C11orf16: variants seen among roughly 807,000 people sequenced by gnomAD.
C11orf16 encodes the protein chromosome 11 open reading frame 16.
A neutral mutation model predicts 45.1 loss-of-function variants in C11orf16; 38 were observed. The ratio of observed to expected loss-of-function variants is 0.84; its 90% CI spans 0.65 to 1.10. The LOEUF is 1.10. Among genes scored for constraint, C11orf16 ranks in the 50% least tolerant of loss-of-function variants. The pLI is 0.00. For synonymous variants in C11orf16, 221 were observed against 222.0 expected (o/e 1.00, Z 0.04); for missense variants, 583 against 569.5 (o/e 1.02, Z -0.24).
chr11:8,925,585 A>G lies in C11orf16; in HGVS notation c.1082T>C (p.Val361Ala). 1 of 1,614,228 alleles carries G rather than the reference A, an allele frequency of 6.2e-7. No individual in the cohort carries two copies. Among genetic ancestry groups the G allele is most frequent in the Non-Finnish European group, 8.5e-7 (1 of 1,180,028 alleles). Residue 361 changes from valine (V) to alanine (A), a missense_variant, in exon 5 of 7, where the codon GTG (valine) becomes GCG (alanine). Physicochemically the swap from Val to Ala is moderately conservative, Grantham distance 64. Transcript: ENST00000326053. The part of the protein sequence containing the change: ...LEMGPPQRLM[V>A]NSAVNTDPIF... Reference sequence around the variant, plus strand: ...GGGATCTGTGTTGACTGCACTGTTCACCATCAGTCTCTGGGGAGGGCCCAT... The same window carrying G: ...GGGATCTGTGTTGACTGCACTGTTCGCCATCAGTCTCTGGGGAGGGCCCAT...
Position 8,925,975 on chromosome 11 carries a change from C to T in C11orf16, c.692G>A (p.Arg231Lys), listed in dbSNP as rs148052847. ...CCAGTGAAGGGGCCTGGGGTGCTCC[C>T]TGGTGAAAGACTTGTGCAGCCTCTC... ...AVERLHKSFTREHPRPLHWAP... is the reference protein window; with the variant it reads ...AVERLHKSFTKEHPRPLHWAP... Residue 231 changes from arginine (R) to lysine (K), a missense_variant, in exon 5 of 7, where the codon AGG becomes AAG. Transcript: ENST00000326053. 2.8e-5 allele frequency: 46 copies of T among 1,614,088 alleles called. 1 individual carries two copies. In the African/African-American group the frequency reaches 5.9e-4, roughly 21 times the overall value.
At chr11:8,925,142 A>T (rs2064601010) in intron 5 of C11orf16, among the ~76,000 whole-genome samples, 1 of 152,230 alleles carries the variant, frequency 6.6e-6, no homozygotes, top group South Asian at 2.1e-4. Flanking sequence ...CCAAGAAAAA[A>T]GGAGGAGACT....
chr11:8,925,770 T>G lies in C11orf16; in HGVS notation c.897A>C (p.Ser299=), dbSNP rs771263835. Reference sequence around the variant, plus strand: ...CTGGAAGTTCTCTGGCCATGACTTCTGAGGTCCTGGTTAGAGGCCACCAAG... The same window carrying G: ...CTGGAAGTTCTCTGGCCATGACTTCGGAGGTCCTGGTTAGAGGCCACCAAG... The part of the protein sequence containing the change: ...GTTWWPLTRT[S]EVMARELPEL... Residue 299 remains serine (S), a synonymous_variant, in exon 5 of 7, where the codon TCA becomes TCC. Coordinates refer to ENST00000326053, the MANE Select transcript of C11orf16 (RefSeq NM_020643.3). 4.3e-5 allele frequency: 70 copies of G among 1,614,150 alleles called. No homozygotes were observed. The highest frequency in any genetic ancestry group is 5.8e-5 in the Non-Finnish European group (69 of 1,180,052).
chr11:8,930,006 G>C (rs574112914), intron 2 of C11orf16, among the ~76,000 whole-genome samples: 28 of 152,126 alleles, frequency 1.8e-4, no homozygotes, highest in Non-Finnish European at 3.8e-4. Context: ...TGTGATCCCA[G>C]CTACTTGGGA....
chr11:8,921,052 C>G (rs1309591547), intron 6 of C11orf16, among the ~76,000 whole-genome samples: 1 of 152,090 alleles, frequency 6.6e-6, no homozygotes, highest in Non-Finnish European at 1.5e-5. Flanking sequence ...AAAGCAGACC[C>G]CTACCCAATA....
At chr11:8,924,823 T>C (rs546143884) in intron 5 of C11orf16, among the ~76,000 whole-genome samples, 1 of 152,170 alleles carries the variant, frequency 6.6e-6, no homozygotes, top group South Asian at 2.1e-4. Flanking sequence ...CCAGACTCCG[T>C]TGGGAATTTA....
In C11orf16 at chr11:8,927,050, C is replaced by G. The variant is rs369882131; in HGVS notation, c.449G>C (p.Gly150Ala). 6.2e-7 allele frequency: 1 copy of G among 1,614,022 alleles called. No individual in the cohort carries two copies. The highest frequency in any genetic ancestry group is 8.5e-7 in the Non-Finnish European group (1 of 1,180,040). ...EDVIPLSPSV[G>A]YSLRPGDKVL... ...CTTATCCCCTGGTCTCAGTGAGTAT[C>G]CTACAGATGGTGAGAGAGGAATGAC... Residue 150 changes from glycine (G) to alanine (A), a missense_variant, in exon 4 of 7, where the codon GGA becomes GCA. Transcript: ENST00000326053.
At chr11:8,931,481 T>A (rs2064649853) in intron 2 of C11orf16, among the ~76,000 whole-genome samples, 1 of 151,972 alleles carries the variant, frequency 6.6e-6, no homozygotes. Flanking sequence ...CTTTCCACCT[T>A]CCGAGTTCAA....
At chr11:8,928,174 CTGT>C (rs1187020261) in intron 3 of C11orf16, among the ~76,000 whole-genome samples, 1 of 152,178 alleles carries the variant, frequency 6.6e-6, no homozygotes, top group African/African-American at 2.4e-5. Flanking sequence ...TCCCAAAGTG[CTGT>C]TATTACAGGT....
At chr11:8,930,785 T>C (rs2064644725) in intron 2 of C11orf16, among the ~76,000 whole-genome samples, 1 of 152,300 alleles carries the variant, frequency 6.6e-6, no homozygotes, top group Middle Eastern at 3.4e-3. Context: ...CAACATGCCG[T>C]CACTGCACCC....
At chr11:8,928,087 T>A (rs905920746) in intron 3 of C11orf16, among the ~76,000 whole-genome samples, 6 of 152,066 alleles carry the variant, frequency 3.9e-5, no homozygotes, top group Non-Finnish European at 7.4e-5. Context: ...TTTGTATATT[T>A]AGTAGAGACG....
At chr11:8,931,538 C>T (rs1566114726) in intron 2 of C11orf16, among the ~76,000 whole-genome samples, 1 of 152,156 alleles carries the variant, frequency 6.6e-6, no homozygotes, top group African/African-American at 2.4e-5. Context: ...TACAGTCACC[C>T]GCCACCATGC....
chr11:8,927,482 C>A lies in C11orf16; in HGVS notation c.325-308G>T, dbSNP rs377354368. 258 of 433,038 alleles carry A rather than the reference C, an allele frequency of 6.0e-4. 3 individuals carry two copies. The highest frequency in any genetic ancestry group is 4.8e-3 in the South Asian group (245 of 51,546). The allele number at this position is 433,038 out of a possible 1,614,324, so 26.8% of individuals were successfully genotyped here. A position where few individuals can be genotyped will look rare whatever the true frequency, so the allele number is the denominator to read the frequency against. Reference sequence around the variant, plus strand: ...TTCTTTCCTCCTACCAAATTTTTGACCTGCAATTGCCAGGAGTTACCTGGG... The same window carrying A: ...TTCTTTCCTCCTACCAAATTTTTGAACTGCAATTGCCAGGAGTTACCTGGG... On this transcript the variant is annotated intron_variant, in intron 3 of 6. Coordinates refer to ENST00000326053, the MANE Select transcript of C11orf16 (RefSeq NM_020643.3).
chr11:8,926,034 C>T lies in C11orf16; in HGVS notation c.633G>A (p.Gln211=). 4 of 1,614,138 alleles carry T rather than the reference C, an allele frequency of 2.5e-6. No homozygotes were observed. Among genetic ancestry groups the T allele is most frequent in the Non-Finnish European group, 3.4e-6 (4 of 1,180,010 alleles). The change falls in exon 5 of 7, where the codon CAG becomes CAA. Residue 211 remains glutamine (Q), a synonymous_variant. Transcript: ENST00000326053. ...KAAKVPLGGV[Q]SVSLTIWKKA... Reference sequence around the variant, plus strand: ...TCTTCCAGATGGTCAGGGACACCGACTGGACCCCACCTAGGGGCACTTTAG... The same window carrying T: ...TCTTCCAGATGGTCAGGGACACCGATTGGACCCCACCTAGGGGCACTTTAG...
intron 6 of C11orf16, among the ~76,000 whole-genome samples, chr11:8,920,999 T>G (rs554578342): frequency 6.6e-6 from 1 of 152,222 alleles, no homozygotes; most frequent in East Asian, 1.9e-4. Flanking sequence ...GGCTATATTA[T>G]CATTCTTAGT....
At chr11:8,926,919 G>A (rs368164152) in intron 4 of C11orf16, 21 bp downstream of exon 4, 5 of 1,592,636 alleles carry the variant, frequency 3.1e-6, no homozygotes, top group African/African-American at 1.3e-5. Flanking sequence ...GGCACTGATG[G>A]GTCAGAGCAG....
At chr11:8,923,386 A>AC (rs2064587602) in intron 5 of C11orf16, among the ~76,000 whole-genome samples, 2 of 152,010 alleles carry the variant, frequency 1.3e-5, no homozygotes, top group Admixed American at 6.6e-5. Flanking sequence ...CTCCCCACAG[A>AC]CCCCTCTCTG....
In C11orf16 at chr11:8,921,403, C is replaced by G. The variant is rs1262166073; in HGVS notation, c.1317G>C (p.Lys439Asn). Residue 439 changes from lysine (K) to asparagine (N), a missense_variant, in exon 6 of 7, where the codon AAG (lysine) becomes AAC (asparagine). Lys to Asn is a moderately conservative substitution (Grantham distance 94, BLOSUM62 0). Coordinates refer to ENST00000326053, the MANE Select transcript of C11orf16 (RefSeq NM_020643.3). ...KELVSKATHM[K>N]PPRTPPGEAE... ...CTTCCCCTGGCGGGGTCCGCGGTGG[C>G]TTCATGTGGGTTGCTTTCGAGACCA... 3.1e-6 allele frequency: 5 copies of G among 1,614,200 alleles called. No individual in the cohort carries two copies. The highest frequency in any genetic ancestry group is 4.2e-6 in the Non-Finnish European group (5 of 1,180,022).
chr11:8,926,821 A>T (rs1566112806), intron 4 of C11orf16, 119 bp downstream of exon 4: 1 of 717,462 alleles, frequency 1.4e-6, no homozygotes, highest in African/African-American at 1.8e-5. Flanking sequence ...AGGGGGAAAA[A>T]TTCTCTTCTT....
Sources: allele counts gnomAD v4.1 joint callset (sites outside exome capture counted in the v4.1 genomes callset), GRCh38; gene constraint gnomAD v4.1.1; transcripts MANE v1.5; gene names NCBI Gene and HGNC (gene_info 2026-07-23, HGNC 2026-07-21).